Variants in TOX2 observed in about 807,000 individuals in gnomAD.
TOX2 encodes the protein TOX high mobility group box family member 2, also known as granulosa cell HMG box 1.
In TOX2, 15 loss-of-function variants were observed where a neutral mutation model predicts 47.4. That is an observed-to-expected ratio of 0.32 (90% CI 0.21 to 0.49). The LOEUF (loss-of-function observed/expected upper bound fraction) is 0.49. Ranked by LOEUF, TOX2 falls within the 20% of genes least tolerant of loss-of-function variation. The probability of loss-of-function intolerance (pLI) is 0.99; values close to 1 mark genes in which losing one functional copy is unlikely to be tolerated. For synonymous variants in TOX2, 290 were observed against 296.6 expected (o/e 0.98, Z 0.23); for missense variants, 622 against 673.1 (o/e 0.92, Z 0.84).
chr20:43,983,857 A>G (rs760290182), intron 2 of TOX2, among the ~76,000 whole-genome samples: 2 of 152,204 alleles, frequency 1.3e-5, no homozygotes, highest in Non-Finnish European at 2.9e-5. Flanking sequence ...AAACTGCAGC[A>G]CAGAGAGGCA....
chr20:44,068,344 G>T (rs1337848904), intron 8 of TOX2, among the ~76,000 whole-genome samples: 1 of 152,162 alleles, frequency 6.6e-6, no homozygotes, highest in East Asian at 1.9e-4. Context: ...AAATTCCTGT[G>T]ATTAAAAACC....
intron 3 of TOX2, among the ~76,000 whole-genome samples, chr20:44,033,587 A>G (rs904502154): frequency 1.3e-5 from 2 of 152,156 alleles, no homozygotes; most frequent in Admixed American, 6.5e-5. Flanking sequence ...AGGGCCCAAC[A>G]GACAGAACCA....
intron 1 of TOX2, among the ~76,000 whole-genome samples, chr20:43,932,590 C>T (rs887165342): frequency 6.6e-5 from 10 of 152,204 alleles, no homozygotes; most frequent in African/African-American, 9.7e-5. Context: ...TCCAAACACA[C>T]GTCTGGATTA....
In TOX2 at chr20:43,914,956, G is replaced by T; in HGVS notation, c.65G>T (p.Gly22Val). 4.0e-6 allele frequency: 5 copies of T among 1,256,114 alleles called. No homozygotes were observed. Among genetic ancestry groups the T allele is most frequent in the Non-Finnish European group, 5.0e-6 (5 of 999,424 alleles). The allele number at this position is 1,256,114 out of a possible 1,614,324, so 77.8% of individuals were successfully genotyped here. Residue 22 changes from glycine (G) to valine (V), a missense_variant, in exon 1 of 9, where the codon GGC (glycine) becomes GTC (valine). This residue lies in a region of TOX2 where 307 missense variants were observed against 327.3 expected (regional missense o/e 0.94). Coordinates refer to ENST00000341197, the MANE Select transcript of TOX2 (RefSeq NM_001098797.2). This position sits in a 1 kb window ranked among gnomAD's most constrained non-coding sequence, Gnocchi z 4.5. ...VGARPGAEPA[G>V]LAHLDYYHGG... ...GCGCGGCCCGGGGCCGAGCCGGCCG[G>T]CCTGGCGCACCTGGACTATTACCAC...
Position 44,033,977 on chromosome 20 carries a change from A to G in TOX2, c.412-17329A>G, listed in dbSNP as rs191812305. 3.3e-3 allele frequency among the ~76,000 whole-genome samples: 496 copies of G among 152,326 alleles called. 3 individuals are homozygous for G. Among genetic ancestry groups the G allele is most frequent in the Non-Finnish European group, 2.5e-3 (171 of 68,022 alleles). On this transcript the variant is annotated intron_variant, in intron 3 of 8. Transcript: ENST00000341197. The stretch of plus-strand genomic sequence containing the variant: ...GCTGCAGATCATAGGGCTTCTTGTC[A>G]GTTATCAGTGCCCAGACCTGTTGCC...
At chr20:43,985,501 C>T (rs183724194) in intron 2 of TOX2, among the ~76,000 whole-genome samples, 3 of 152,254 alleles carry the variant, frequency 2.0e-5, no homozygotes, top group East Asian at 3.9e-4. Context: ...GACAAGTTAA[C>T]CAAGTTTTCT....
intron 2 of TOX2, among the ~76,000 whole-genome samples, chr20:43,979,245 T>C (rs188794061): frequency 6.6e-6 from 1 of 152,300 alleles, no homozygotes; most frequent in African/African-American, 2.4e-5. Flanking sequence ...CAGCCCATGA[T>C]ATCAAAACCT....
intron 1 of TOX2, among the ~76,000 whole-genome samples, chr20:43,958,214 G>A (rs961886420): frequency 6.6e-6 from 1 of 152,030 alleles, no homozygotes; most frequent in Admixed American, 6.6e-5. Flanking sequence ...TTCTGTTACT[G>A]CCACACTGCT....
chr20:44,047,852 T>TAAAAAAAAAAAAAAAAAA (rs1198225728), intron 3 of TOX2, among the ~76,000 whole-genome samples: 2 of 141,884 alleles, frequency 1.4e-5, no homozygotes, highest in Non-Finnish European at 3.1e-5. Context: ...AAAAAAAAAT[T>TAAAAAAAAAAAAAAAAAA]AAAAAAAAAA....
At chr20:43,943,365 G>C (rs1422310261) in intron 1 of TOX2, among the ~76,000 whole-genome samples, 1 of 152,190 alleles carries the variant, frequency 6.6e-6, no homozygotes. Context: ...TTCTGTGCTT[G>C]TCTGGTATCA....
At chr20:43,998,964 T>C (rs549165066) in intron 2 of TOX2, among the ~76,000 whole-genome samples, 9 of 152,160 alleles carry the variant, frequency 5.9e-5, no homozygotes, top group Non-Finnish European at 1.0e-4. Flanking sequence ...TTCACCATAT[T>C]GGCCAGGCTC....
intron 5 of TOX2, among the ~76,000 whole-genome samples, chr20:44,058,270 G>C (rs1325015506): frequency 6.6e-6 from 1 of 152,190 alleles, no homozygotes; most frequent in Non-Finnish European, 1.5e-5. Flanking sequence ...GGTGCTGTTG[G>C]GGGTGCATGG....
chr20:44,067,326 C>A (rs980881949), intron 8 of TOX2, among the ~76,000 whole-genome samples: 2 of 152,102 alleles, frequency 1.3e-5, no homozygotes, highest in Non-Finnish European at 2.9e-5. Flanking sequence ...CTGCCTCATC[C>A]CATGGGAGCC....
chr20:44,026,605 T>A (rs909274627), intron 3 of TOX2, among the ~76,000 whole-genome samples: 5 of 152,020 alleles, frequency 3.3e-5, no homozygotes, highest in African/African-American at 1.2e-4. Context: ...AAAAATAAAA[T>A]AAACCGTAAT....
At chr20:43,931,068 C>A (rs1012436617) in intron 1 of TOX2, among the ~76,000 whole-genome samples, 1 of 152,206 alleles carries the variant, frequency 6.6e-6, no homozygotes, top group Non-Finnish European at 1.5e-5. Context: ...GCCTTCAGAG[C>A]GACTCTGACT....
In TOX2 at chr20:44,064,782, C is replaced by T. The variant is rs1269262770; in HGVS notation, c.885C>T (p.Tyr295=). The T allele has an allele frequency of 3.7e-6, 6 of 1,614,094 alleles. No individual in the cohort carries two copies. The highest frequency in any genetic ancestry group is 1.1e-5 in the South Asian group (1 of 91,082). The change falls in exon 6 of 9, where the codon TAC becomes TAT. Residue 295 remains tyrosine, a synonymous_variant. Coordinates refer to ENST00000341197, the MANE Select transcript of TOX2 (RefSeq NM_001098797.2). ...DSLGEEQKQA[Y]KRKTEAAKKE... ...TCATGTGTTGACTCTTCCAGGCCTA[C>T]AAGAGGAAGACAGAAGCAGCAAAGA...
chr20:43,941,980 G>A (rs985295762), intron 1 of TOX2, among the ~76,000 whole-genome samples: 3 of 152,170 alleles, frequency 2.0e-5, no homozygotes, highest in African/African-American at 7.2e-5. Context: ...TGATTCAATT[G>A]TGAGTTTGCC....
intron 1 of TOX2, among the ~76,000 whole-genome samples, chr20:43,935,512 T>C (rs1292856996): frequency 2.0e-5 from 3 of 152,182 alleles, no homozygotes; most frequent in Admixed American, 2.0e-4. Flanking sequence ...GTGTCTTTTG[T>C]GTACTATCTT....
chr20:43,952,002 T>A (rs1279242604), intron 1 of TOX2, among the ~76,000 whole-genome samples: 1 of 151,904 alleles, frequency 6.6e-6, no homozygotes, highest in Non-Finnish European at 1.5e-5. Flanking sequence ...GTTCAAGTGA[T>A]TCTCCTGTCT....
Sources: allele counts gnomAD v4.1 joint callset (sites outside exome capture counted in the v4.1 genomes callset), GRCh38; gene constraint gnomAD v4.1.1; regional missense constraint gnomAD v4.1.1; non-coding constraint Gnocchi (gnomAD v3.1); transcripts MANE v1.5; gene names NCBI Gene and HGNC (gene_info 2026-07-23, HGNC 2026-07-21).